RGPD8: variants seen among roughly 807,000 people sequenced by gnomAD.
RGPD8 encodes the protein RANBP2-like and GRIP domain-containing protein 8.
RGPD8 carries 15 observed loss-of-function variants against 89.1 expected under a neutral mutation model. The ratio of observed to expected loss-of-function variants is 0.17; its 90% confidence interval spans 0.11 to 0.26. The LOEUF (loss-of-function observed/expected upper bound fraction) is 0.26, where lower values mean the gene tolerates loss of function less well. Among genes scored for constraint, RGPD8 ranks in the 10% least tolerant of loss-of-function variants. RGPD8 has a pLI of 1.00. For synonymous variants in RGPD8, 62 were observed against 420.9 expected, an observed-to-expected ratio of 0.15 and a Z score of 10.44; for missense variants, 178 against 1,179.6, an observed-to-expected ratio of 0.15 and a Z score of 12.44.
intron 21 of RGPD8, 138 bp downstream of exon 21, chr2:112,380,686 C>T (rs1299812174): frequency 1.5e-5 from 10 of 679,590 alleles, no homozygotes; most frequent in Admixed American, 3.1e-5. Context: ...ATATTTCTCA[C>T]CATCAGGAAT....
chr2:112,431,728 C>G (rs1403079989), intron 1 of RGPD8, among the ~76,000 whole-genome samples: 7 of 151,926 alleles, frequency 4.6e-5, no homozygotes, highest in Non-Finnish European at 1.0e-4. Flanking sequence ...CCTCCGCCTC[C>G]CGGGTTCAAG....
intron 22 of RGPD8, among the ~76,000 whole-genome samples, chr2:112,370,421 C>T (rs878992127): frequency 2.0e-5 from 2 of 102,304 alleles, no homozygotes; most frequent in Non-Finnish European, 1.7e-5. Flanking sequence ...CACCCAGGCT[C>T]GAGTGCAGTG....
intron 7 of RGPD8, among the ~76,000 whole-genome samples, chr2:112,410,954 G>A (rs377006090): frequency 5.3e-5 from 8 of 152,226 alleles, no homozygotes; most frequent in African/African-American, 1.2e-4. Context: ...GCGTGGTGGC[G>A]TGTGCCTGTA....
intron 1 of RGPD8, among the ~76,000 whole-genome samples, chr2:112,429,789 G>C (rs1042795580): frequency 2.6e-5 from 4 of 152,170 alleles, no homozygotes; most frequent in African/African-American, 7.2e-5. Context: ...AGAAAAACTA[G>C]AGAAAGAATT....
chr2:112,432,865 C>T (rs1186005115), intron 1 of RGPD8, among the ~76,000 whole-genome samples: 1 of 152,250 alleles, frequency 6.6e-6, no homozygotes, highest in Admixed American at 6.5e-5. Context: ...ACGCCGCCCA[C>T]AGGACTGCGC....
At chr2:112,402,522 A>AGAAAAGAAAAGAAAAGAAAG in intron 9 of RGPD8, among the ~76,000 whole-genome samples, 1 of 152,208 alleles carries the variant, frequency 6.6e-6, no homozygotes, top group African/African-American at 2.4e-5. Context: ...AGAAAAGAAA[A>AGAAAAGAAAAGAAAAGAAAG]GAAAAGAAAA....
intron 19 of RGPD8, among the ~76,000 whole-genome samples, chr2:112,390,524 G>A (rs1277461312): frequency 6.9e-6 from 1 of 144,572 alleles, no homozygotes. Context: ...GCACTGAGAG[G>A]TTAAGAAACT....
chr2:112,374,874 T>TC (rs1327882125), intron 22 of RGPD8, among the ~76,000 whole-genome samples: 97 of 146,880 alleles, frequency 6.6e-4, no homozygotes, highest in Admixed American at 9.4e-4. Flanking sequence ...TTTTTTTTTT[T>TC]TTTTGAGATA....
At chr2:112,426,225 T>C (rs1679762580) in intron 1 of RGPD8, among the ~76,000 whole-genome samples, 1 of 152,198 alleles carries the variant, frequency 6.6e-6, no homozygotes, top group African/African-American at 2.4e-5. Context: ...TTTGGTGCCA[T>C]TTTAAATAAA....
At chr2:112,431,823 A>G (rs180887403) in intron 1 of RGPD8, among the ~76,000 whole-genome samples, 1 of 152,260 alleles carries the variant, frequency 6.6e-6, no homozygotes, top group East Asian at 1.9e-4. Context: ...TATTTTTAGT[A>G]GAGACAAGGT....
chr2:112,433,260 G>T (rs1293100696), intron 1 of RGPD8, 122 bp downstream of exon 1: 4 of 1,000,370 alleles, frequency 4.0e-6, no homozygotes, highest in East Asian at 6.3e-5. Context: ...AACAGAGCGC[G>T]CCAGGGAGCA....
intron 1 of RGPD8, among the ~76,000 whole-genome samples, chr2:112,425,415 G>A (rs1308414254): frequency 2.6e-5 from 4 of 151,820 alleles, no homozygotes; most frequent in East Asian, 1.9e-4. Flanking sequence ...AGTAATAAAC[G>A]AGGTCCACAG....
chr2:112,427,680 T>A (rs1194570153), intron 1 of RGPD8, among the ~76,000 whole-genome samples: 1 of 152,230 alleles, frequency 6.6e-6, no homozygotes, highest in African/African-American at 2.4e-5. Flanking sequence ...AAACGGAGTC[T>A]CACCCTGTCG....
chr2:112,375,038 T>C (rs1678085189), intron 22 of RGPD8, among the ~76,000 whole-genome samples: 1 of 131,774 alleles, frequency 7.6e-6, no homozygotes, highest in Non-Finnish European at 1.7e-5. Flanking sequence ...AATTTTTGTA[T>C]TCTGAGTAGA....
At chr2:112,370,338 C>T (rs147004241) in intron 22 of RGPD8, 126 bp from the exon 23 acceptor site, 6 of 355,688 alleles carry the variant, frequency 1.7e-5, no homozygotes, top group Non-Finnish European at 2.4e-5. Flanking sequence ...TGATCACATG[C>T]CTTTTTTGGT....
At chr2:112,411,412 CA>C (rs1235904960) in intron 7 of RGPD8, among the ~76,000 whole-genome samples, 7 of 128,472 alleles carry the variant, frequency 5.4e-5, no homozygotes, top group Non-Finnish European at 3.3e-5. Context: ...ACTAAAAGTA[CA>C]AAAAAAAATT....
At chr2:112,427,994 T>C (rs1211527370) in intron 1 of RGPD8, among the ~76,000 whole-genome samples, 2 of 150,812 alleles carry the variant, frequency 1.3e-5, no homozygotes, top group Admixed American at 6.6e-5. Context: ...GGGTAAGAAA[T>C]GGTCAAAGAA....
chr2:112,428,113 C>A (rs1479591570), intron 1 of RGPD8, among the ~76,000 whole-genome samples: 2 of 152,288 alleles, frequency 1.3e-5, no homozygotes, highest in Admixed American at 6.5e-5. Flanking sequence ...GGACTCCTAA[C>A]AACAGAACTT....
intron 1 of RGPD8, among the ~76,000 whole-genome samples, chr2:112,429,952 C>T (rs187465915): frequency 0.012 from 1,789 of 152,196 alleles, 15 homozygotes; most frequent in Non-Finnish European, 0.017. Context: ...GGACTACAGG[C>T]GCTGCCACCA....
Sources: gnomAD v4.1 joint callset for allele counts (sites outside exome capture counted in the v4.1 genomes callset) on GRCh38, gnomAD v4.1.1 for gene constraint, MANE v1.5 for transcripts, NCBI Gene and HGNC (gene_info 2026-07-23, HGNC 2026-07-21) for gene names.